ZNF385D: variants seen among roughly 807,000 people sequenced by gnomAD.
The protein encoded by ZNF385D is zinc finger protein 385D.
A neutral mutation model predicts 35.8 loss-of-function variants in ZNF385D; 15 were observed. The ratio of observed to expected loss-of-function variants is 0.42; its 90% CI spans 0.28 to 0.64. ZNF385D has a LOEUF of 0.64. ZNF385D is among the 30% of genes least tolerant of loss of function. The pLI is 0.23. For missense variants in ZNF385D, 474 were observed against 494.6 expected (o/e 0.96, Z 0.39); for synonymous variants, 212 against 186.8 (o/e 1.13, Z -1.10).
Position 22,057,663 on chromosome 3 carries a change from A to C in ZNF385D, c.325+111154T>G, listed in dbSNP as rs375899615. On this transcript the variant is annotated intron_variant, in intron 3 of 5. Coordinates refer to the ZNF385D transcript ENST00000494108. Reference sequence around the variant, plus strand: ...TAGCTGGAACGACAGGCAGGCGCACACCACCACATCCGGCTAATTTTCTTA... The same window carrying C: ...TAGCTGGAACGACAGGCAGGCGCACCCCACCACATCCGGCTAATTTTCTTA... Among the ~76,000 whole-genome samples the C allele has an allele frequency of 1.8e-3, 271 of 151,990 alleles. 3 individuals carry two copies. The highest frequency in any genetic ancestry group is 2.3e-3 in the East Asian group (12 of 5,144).
At chr3:22,328,256 G>A (rs1694767331) in intron 2 of ZNF385D, among the ~76,000 whole-genome samples, 1 of 151,400 alleles carries the variant, frequency 6.6e-6, no homozygotes, top group African/African-American at 2.4e-5. Flanking sequence ...ATATTTTTCT[G>A]GAGTCCTTTT....
At chr3:22,098,925 CCTA>C (rs1264008548) in intron 3 of ZNF385D, among the ~76,000 whole-genome samples, 1 of 151,928 alleles carries the variant, frequency 6.6e-6, no homozygotes, top group Non-Finnish European at 1.5e-5. Context: ...TTAACACTTG[CCTA>C]CTATTTAAGC....
intron 2 of ZNF385D, among the ~76,000 whole-genome samples, chr3:22,171,153 G>A (rs960511066): frequency 2.6e-5 from 4 of 152,136 alleles, no homozygotes; most frequent in Non-Finnish European, 4.4e-5. Flanking sequence ...ATAAGCCAAA[G>A]AACTTATTTC....
intron 3 of ZNF385D, among the ~76,000 whole-genome samples, chr3:21,883,455 T>A (rs536765544): frequency 6.6e-6 from 1 of 152,138 alleles, no homozygotes; most frequent in African/African-American, 2.4e-5. Flanking sequence ...TAAAATAAGA[T>A]TTTGCCTGAT....
chr3:22,158,779 T>C (rs572856015), intron 3 of ZNF385D, among the ~76,000 whole-genome samples: 38 of 135,644 alleles, frequency 2.8e-4, no homozygotes, highest in Non-Finnish European at 5.4e-4. Flanking sequence ...TGTAGATCTA[T>C]AGAAACTAGA....
At chr3:22,283,143 A>C (rs746685705) in intron 2 of ZNF385D, among the ~76,000 whole-genome samples, 1 of 152,084 alleles carries the variant, frequency 6.6e-6, no homozygotes, top group Non-Finnish European at 1.5e-5. Flanking sequence ...TCACAATCCT[A>C]AATATATATG....
chr3:21,733,034 A>T (rs560280904), intron 1 of ZNF385D, among the ~76,000 whole-genome samples: 93 of 152,030 alleles, frequency 6.1e-4, no homozygotes, highest in African/African-American at 2.1e-3. Flanking sequence ...TTTTACATTT[A>T]TGTGTGTGAT....
intron 1 of ZNF385D, among the ~76,000 whole-genome samples, chr3:21,695,228 G>A (rs2067429641): frequency 6.6e-6 from 1 of 152,212 alleles, no homozygotes; most frequent in South Asian, 2.1e-4. Flanking sequence ...AAGAAGGGCA[G>A]TGTAATGGAG....
intron 3 of ZNF385D, among the ~76,000 whole-genome samples, chr3:21,775,335 A>G (rs1024085210): frequency 2.0e-5 from 3 of 151,798 alleles, no homozygotes; most frequent in African/African-American, 7.3e-5. Flanking sequence ...TGGCACCATC[A>G]CCTGCTACTT....
intron 3 of ZNF385D, among the ~76,000 whole-genome samples, chr3:21,896,670 T>C (rs1257916795): frequency 6.6e-6 from 1 of 152,140 alleles, no homozygotes; most frequent in East Asian, 1.9e-4. Flanking sequence ...GTATTATTTT[T>C]CTGATGCAAT....
At chr3:21,661,659 T>A (rs1361676294) in intron 2 of ZNF385D, among the ~76,000 whole-genome samples, 2 of 152,156 alleles carry the variant, frequency 1.3e-5, no homozygotes, top group Non-Finnish European at 2.9e-5. Context: ...AGGAAAGCTA[T>A]CTTTTGTGTG....
chr3:21,909,952 G>A (rs959967182), intron 3 of ZNF385D, among the ~76,000 whole-genome samples: 49 of 151,928 alleles, frequency 3.2e-4, no homozygotes, highest in African/African-American at 1.2e-3. Context: ...TTGTAACATT[G>A]ACAATTCACA....
intron 2 of ZNF385D, among the ~76,000 whole-genome samples, chr3:21,581,911 T>C (rs1002823623): frequency 6.6e-6 from 1 of 152,164 alleles, no homozygotes; most frequent in African/African-American, 2.4e-5. Context: ...TAGGGATGAC[T>C]GAGATGCATT....
intron 2 of ZNF385D, among the ~76,000 whole-genome samples, chr3:22,364,808 A>G (rs994235578): frequency 6.6e-6 from 1 of 152,098 alleles, no homozygotes; most frequent in South Asian, 2.1e-4. Context: ...GCAACATTAA[A>G]CCGAAGCAGC....
At chr3:21,731,900 G>A (rs2125489967) in intron 1 of ZNF385D, among the ~76,000 whole-genome samples, 1 of 151,876 alleles carries the variant, frequency 6.6e-6, no homozygotes, top group African/African-American at 2.4e-5. Flanking sequence ...TATTTTTAGT[G>A]CTTAATAATA....
intron 3 of ZNF385D, among the ~76,000 whole-genome samples, chr3:21,905,307 T>C (rs937521540): frequency 6.6e-6 from 1 of 151,850 alleles, no homozygotes; most frequent in Admixed American, 6.6e-5. Context: ...TCACTTTGTA[T>C]GCATAACTCA....
chr3:21,865,760 C>T (rs567520145), intron 3 of ZNF385D, among the ~76,000 whole-genome samples: 2 of 152,068 alleles, frequency 1.3e-5, no homozygotes, highest in Non-Finnish European at 2.9e-5. Context: ...TGTGAAATAC[C>T]AACATACCTG....
intron 2 of ZNF385D, among the ~76,000 whole-genome samples, chr3:21,585,570 T>C (rs1273898434): frequency 6.6e-6 from 1 of 152,316 alleles, no homozygotes; most frequent in East Asian, 1.9e-4. Flanking sequence ...TATAGATTTC[T>C]GTTAATTACC....
chr3:22,160,468 A>G (rs1426089128), intron 3 of ZNF385D, among the ~76,000 whole-genome samples: 6 of 152,130 alleles, frequency 3.9e-5, no homozygotes, highest in Admixed American at 3.9e-4. Context: ...CTATGAAGCT[A>G]TTTTATTTTC....
Sources: gnomAD v4.1 joint callset for allele counts (sites outside exome capture counted in the v4.1 genomes callset) on GRCh38, gnomAD v4.1.1 for gene constraint, MANE v1.5 for transcripts, NCBI Gene and HGNC (gene_info 2026-07-23, HGNC 2026-07-21) for gene names.